HR: variants seen among roughly 807,000 people sequenced by gnomAD.
HR encodes the protein HR lysine demethylase and nuclear receptor corepressor, also known as lysine-specific demethylase hairless.
HR carries 83 observed loss-of-function variants against 128.6 expected under a neutral mutation model. The observed-to-expected ratio is 0.65, with a 90% CI of 0.54 to 0.77. The LOEUF is 0.77. Among genes scored for constraint, HR ranks in the 30% least tolerant of loss-of-function variants. HR has a pLI of 0.00. For synonymous variants in HR, 681 were observed against 658.2 expected (o/e 1.03, Z -0.53); for missense variants, 1,490 against 1,574.6 (o/e 0.95, Z 0.91).
In HR at chr8:22,116,896, C is replaced by T. The variant is rs780822853; in HGVS notation, c.3357G>A (p.Val1119=). The T allele has an allele frequency of 6.4e-7, 1 of 1,569,366 alleles. No individual in the cohort carries two copies. Among genetic ancestry groups the T allele is most frequent in the Non-Finnish European group, 8.6e-7 (1 of 1,162,366 alleles). Residue 1119 remains valine (V), a synonymous_variant, in exon 17 of 19, where the codon GTG becomes GTA. Coordinates refer to ENST00000381418, the MANE Select transcript of HR (RefSeq NM_005144.5). The surrounding 1 kb of genome is among the most constrained non-coding windows in gnomAD (Gnocchi z 4.2). The part of the protein sequence containing the change: ...LLQAPGEAVL[V]PAGAPHQVQG... Reference sequence around the variant, plus strand: ...GCACCTGGTGGGGAGCCCCTGCAGGCACCAGCACGGCCTCTCCGGGGGCCT... The same window carrying T: ...GCACCTGGTGGGGAGCCCCTGCAGGTACCAGCACGGCCTCTCCGGGGGCCT...
chr8:22,122,807 T>C lies in HR; in HGVS notation c.1988A>G (p.Gln663Arg). Residue 663 changes from glutamine to arginine, a missense_variant, in exon 7 of 19, where the codon CAG (glutamine) becomes CGG (arginine). By Grantham distance (43) the Gln-to-Arg change is conservative. Around this residue, in one of 3 missense-constraint regions of HR, gnomAD observed 1,060 missense variants for 1,060.9 expected, o/e 1.00. Coordinates refer to ENST00000381418, the MANE Select transcript of HR (RefSeq NM_005144.5). ...TGGCTCACCCTGGCTGGAGACAAAC[T>C]GGGTCAGCATCAGGGAACAGGCAGC... ...GHAACSLMLT[Q>R]FVSSQALAEL... 3 of 1,554,414 alleles carry C rather than the reference T, an allele frequency of 1.9e-6. No homozygotes were observed. The highest frequency in any genetic ancestry group is 1.7e-6 in the Non-Finnish European group (2 of 1,149,104).
chr8:22,128,083 A>C lies in HR; in HGVS notation c.613-254T>G, dbSNP rs1212416700. ...AAGAGTGAATGCCTGGCACAGCCAA[A>C]GGGCATCTGGGGTCTGTTTGGGCCA... is the stretch of plus-strand genomic sequence containing the variant. On this transcript the variant is annotated intron_variant, in intron 2 of 18. Coordinates refer to ENST00000381418, the MANE Select transcript of HR (RefSeq NM_005144.5). 5 of 592,632 alleles carry C rather than the reference A, an allele frequency of 8.4e-6. No homozygotes were observed. The East Asian group carries it at 1.4e-4, about 17-fold the overall frequency. The allele number at this position is 592,632 out of a possible 1,614,324, so 36.7% of individuals were successfully genotyped here.
chr8:22,123,617 T>TTGGGGGGCG, intron 6 of HR, 32 bp downstream of exon 6: 4 of 292,092 alleles, frequency 1.4e-5, no homozygotes, highest in Non-Finnish European at 2.5e-5. Context: ...GAGGGCTCCA[T>TTGGGGGGCG]CCCGCCCTCC....
chr8:22,122,635 G>A (rs1826784555), intron 7 of HR, 27 bp from the exon 8 acceptor site: 3 of 1,574,524 alleles, frequency 1.9e-6, no homozygotes, highest in African/African-American at 1.3e-5. Flanking sequence ...GCAGGAGAGG[G>A]AGGTTGGTGG....
At chr8:22,122,447 C>T in intron 8 of HR, 46 bp downstream of exon 8, 1 of 1,403,786 alleles carries the variant, frequency 7.1e-7, no homozygotes, top group South Asian at 1.2e-5. Context: ...AAAGGTCAGC[C>T]ATTTGCAGGC....
In HR at chr8:22,120,475, C is replaced by T. The variant is rs1237915815; in HGVS notation, c.2643G>A (p.Leu881=). 1.2e-6 allele frequency: 2 copies of T among 1,614,028 alleles called. No homozygotes were observed. Among genetic ancestry groups the T allele is most frequent in the East Asian group, 2.2e-5 (1 of 44,884 alleles). ...CTTCTGTCCCCCACAGGTTGCCCTGCAATGTCCTTTGGATCCCTGACACCA... is the reference window on the plus strand; with the variant it reads ...CTTCTGTCCCCCACAGGTTGCCCTGTAATGTCCTTTGGATCCCTGACACCA... ...PVLVSGIQRT[L]QGNLWGTEAL... Residue 881 remains leucine, a synonymous_variant, in exon 12 of 19, where the codon TTG becomes TTA. Coordinates refer to ENST00000381418, the MANE Select transcript of HR (RefSeq NM_005144.5).
chr8:22,116,067 G>A lies in HR; in HGVS notation c.3507+233C>T, dbSNP rs1303566250. ...GGAGAATCACTTGAACCCAGGAGGC[G>A]GAGGTTGCAGGGAGCTGAGATAGTG... On this transcript the variant is annotated intron_variant, in intron 18 of 18. Transcript: ENST00000381418. This position sits in a 1 kb window ranked among gnomAD's most constrained non-coding sequence, Gnocchi z 4.2. Among the ~76,000 whole-genome samples the A allele has an allele frequency of 7.2e-5, 11 of 152,186 alleles. No homozygotes were observed. Among genetic ancestry groups the A allele is most frequent in the South Asian group, 6.2e-4 (3 of 4,826 alleles).
At position 22,116,276 on chromosome 8, in the gene HR, C is replaced by G; in HGVS notation, c.3507+24G>C. ...TGGGAGGCTTGGGTAGCACACCCAG[C>G]CTGCTGGCCCACATCCCACTCACCT... is the stretch of plus-strand genomic sequence containing the variant. On this transcript the variant is annotated intron_variant, in intron 18 of 18. Coordinates refer to ENST00000381418, the MANE Select transcript of HR (RefSeq NM_005144.5). The surrounding 1 kb of genome is among the most constrained non-coding windows in gnomAD (Gnocchi z 4.2). 6.2e-7 allele frequency: 1 copy of G among 1,611,444 alleles called. No individual in the cohort carries two copies. Among genetic ancestry groups the G allele is most frequent in the Non-Finnish European group, 8.5e-7 (1 of 1,179,646 alleles).
At position 22,125,368 on chromosome 8, in the gene HR, G is replaced by T; in HGVS notation, c.1693C>A (p.Arg565=). The T allele has an allele frequency of 6.2e-7, 1 of 1,607,452 alleles. No individual in the cohort carries two copies. The highest frequency in any genetic ancestry group is 8.5e-7 in the Non-Finnish European group (1 of 1,177,778). Residue 565 remains arginine (R), a synonymous_variant, in exon 5 of 19, where the codon CGA becomes AGA. Coordinates refer to ENST00000381418, the MANE Select transcript of HR (RefSeq NM_005144.5). ...TCCCTCCGCAGCAGGCGGCACAGTC[G>T]GTCCCCCAAACCACTGAGCAGGTGC... ...AKHLLSGLGD[R]LCRLLRRERE... is the part of the protein sequence containing the mutation.
chr8:22,128,340 C>T, intron 2 of HR: 1 of 638,876 alleles, frequency 1.6e-6, no homozygotes. Flanking sequence ...GAGTCAGTGG[C>T]TGCAATGACC....
chr8:22,126,361 G>A (rs1001125936), intron 3 of HR, among the ~76,000 whole-genome samples: 14 of 152,216 alleles, frequency 9.2e-5, no homozygotes, highest in Non-Finnish European at 1.6e-4. Context: ...GGCTGGAGCC[G>A]GCAGTGCCAG....
Position 22,123,821 on chromosome 8 carries a change from C to A in HR, c.1751-8G>T. 6.3e-7 allele frequency: 1 copy of A among 1,594,626 alleles called. No individual in the cohort carries two copies. ...TCACGGCTGGCCCTTGGCCTGCTGA[C>A]CACGGAGAGAACAGGGTCAGAGGGT... On this transcript the variant is annotated splice_polypyrimidine_tract_variant and splice_region_variant and intron_variant, in intron 5 of 18. Coordinates refer to ENST00000381418, the MANE Select transcript of HR (RefSeq NM_005144.5).
Position 22,128,768 on chromosome 8 carries a change from G to T in HR, c.403C>A (p.Pro135Thr), listed in dbSNP as rs767205010. ...CAGTGCCAGGGCCGGAAGGCCACAGGGTCACTCTTGAGATGGCCACCACTA... is the reference window on the plus strand; with the variant it reads ...CAGTGCCAGGGCCGGAAGGCCACAGTGTCACTCTTGAGATGGCCACCACTA... ...EHSGGHLKSD[P>T]VAFRPWHCPF... The change falls in exon 2 of 19, where the codon CCT becomes ACT. Residue 135 changes from proline to threonine, a missense_variant. Coordinates refer to ENST00000381418, the MANE Select transcript of HR (RefSeq NM_005144.5). 6.2e-7 allele frequency: 1 copy of T among 1,608,342 alleles called. No homozygotes were observed. The highest frequency in any genetic ancestry group is 1.7e-5 in the Admixed American group (1 of 58,918).
Position 22,130,695 on chromosome 8 carries a change from G to C in HR, c.-308C>G, listed in dbSNP as rs1432152468. The C allele has an allele frequency of 6.6e-6, 1 of 152,354 alleles. No homozygotes were observed. The allele number at this position is 152,354 out of a possible 1,614,324, so 9.4% of individuals were successfully genotyped here. ...CCGCACCAGCTTCTGGGCCGAGGCC[G>C]TAGGTTGCGCCATGGGACGCCGAGA... On this transcript the variant is annotated 5_prime_UTR_variant, in exon 1 of 19. Coordinates refer to ENST00000381418, the MANE Select transcript of HR (RefSeq NM_005144.5).
chr8:22,128,509 C>A (rs1236004732), intron 2 of HR, 50 bp downstream of exon 2: 2 of 1,609,620 alleles, frequency 1.2e-6, no homozygotes, highest in Non-Finnish European at 1.7e-6. Context: ...GACCACCGAG[C>A]AACTTTGCTA....
At chr8:22,130,117 T>C (rs1417014684) in intron 1 of HR, among the ~76,000 whole-genome samples, 4 of 151,814 alleles carry the variant, frequency 2.6e-5, no homozygotes, top group East Asian at 3.9e-4. Flanking sequence ...GGAGGGAAAA[T>C]TGAACGTGCG....
At position 22,119,756 on chromosome 8, in the gene HR, T is replaced by C. The variant is rs1270393090; in HGVS notation, c.2977+4A>G. On this transcript the variant is annotated splice_donor_region_variant and intron_variant, in intron 14 of 18. Transcript: ENST00000381418. ...AGACTGGGCAGGAGTGGAGGGACAC[T>C]CACCATAGGCTGCCCAGAGCTGGGG... The C allele has an allele frequency of 1.9e-6, 3 of 1,605,960 alleles. No individual in the cohort carries two copies. Among genetic ancestry groups the C allele is most frequent in the Non-Finnish European group, 2.6e-6 (3 of 1,175,896 alleles).
Position 22,120,726 on chromosome 8 carries a change from C to T in HR, c.2600G>A (p.Arg867Lys). The T allele has an allele frequency of 6.7e-7, 1 of 1,503,066 alleles. No individual in the cohort carries two copies. The highest frequency in any genetic ancestry group is 8.9e-7 in the Non-Finnish European group (1 of 1,127,376). 93.1% of individuals were successfully genotyped at this position (1,503,066 alleles called of 1,614,324 possible). A position where few individuals can be genotyped will look rare whatever the true frequency, so the allele number is the denominator to read the frequency against. Residue 867 changes from arginine (R) to lysine (K), a missense_variant, in exon 11 of 19, where the codon AGG (arginine) becomes AAG (lysine). By Grantham distance (26) the Arg-to-Lys change is conservative. Transcript: ENST00000381418. ...RGFHLFQEHW[R>K]QGQPVLVSGI... The stretch of plus-strand genomic sequence containing the variant: ...GGAGGGGTGCCTCACCTGGCCCTGC[C>T]TCCAGTGCTCCTGGAAGAGGTGGAA...
In HR at chr8:22,120,447, G is replaced by T. The variant is rs1325281866; in HGVS notation, c.2671C>A (p.Leu891Ile). ...LQGNLWGTEALGALGGQVQAL... is the reference protein window; with the variant it reads ...LQGNLWGTEAIGALGGQVQAL... ...TGCACCTGGCCTCCAAGTGCCCCAA[G>T]AGCTTCTGTCCCCCACAGGTTGCCC... Residue 891 changes from leucine to isoleucine, a missense_variant, in exon 12 of 19, where the codon CTT becomes ATT. By Grantham distance (5) the Leu-to-Ile change is conservative. Coordinates refer to ENST00000381418, the MANE Select transcript of HR (RefSeq NM_005144.5). The T allele has an allele frequency of 3.1e-6, 5 of 1,614,072 alleles. No homozygotes were observed. Among genetic ancestry groups the T allele is most frequent in the Non-Finnish European group, 4.2e-6 (5 of 1,180,030 alleles).
Sources: gnomAD v4.1 joint callset for allele counts (sites outside exome capture counted in the v4.1 genomes callset) on GRCh38, gnomAD v4.1.1 for gene constraint, gnomAD v4.1.1 regional missense constraint, Gnocchi (gnomAD v3.1) non-coding constraint, MANE v1.5 for transcripts, NCBI Gene and HGNC (gene_info 2026-07-23, HGNC 2026-07-21) for gene names.